The following ZNF343 variants were observed in gnomAD, a reference collection of about 807,000 sequenced individuals.
ZNF343 encodes zinc finger protein 343.
Under a neutral mutation model 13.8 loss-of-function variants are expected in ZNF343, and 11 were observed. The ratio of observed to expected loss-of-function variants is 0.80; its 90% CI spans 0.50 to 1.32. The LOEUF (loss-of-function observed/expected upper bound fraction) is 1.32. Ranked by LOEUF, ZNF343 falls within the 40% of genes most tolerant of loss-of-function variation. The probability of loss-of-function intolerance (pLI) is 0.00; values close to 1 mark genes in which losing one functional copy is unlikely to be tolerated. For synonymous variants in ZNF343, 248 were observed against 260.0 expected (o/e 0.95, Z 0.44); for missense variants, 658 against 714.2 (o/e 0.92, Z 0.90).
At chr20:2,492,630 G>A (rs1240110467) in intron 5 of ZNF343, 69 bp downstream of exon 5, 7 of 1,553,270 alleles carry the variant, frequency 4.5e-6, no homozygotes, top group Non-Finnish European at 3.5e-6. Flanking sequence ...ACATTTTTTT[G>A]TGGTACATAT....
At chr20:2,484,727 A>G in intron 5 of ZNF343, 71 bp from the exon 6 acceptor site, 1 of 1,420,232 alleles carries the variant, frequency 7.0e-7, no homozygotes, top group Non-Finnish European at 9.5e-7. Context: ...TTGTCTTAGG[A>G]CAGAGAATGT....
chr20:2,497,194 T>C (rs2085474802), intron 2 of ZNF343, among the ~76,000 whole-genome samples: 1 of 152,054 alleles, frequency 6.6e-6, no homozygotes, highest in South Asian at 2.1e-4. Flanking sequence ...TAAATACAGA[T>C]CCAAGTGGAG....
At chr20:2,495,757 C>T (rs566601594) in intron 2 of ZNF343, among the ~76,000 whole-genome samples, 5 of 151,496 alleles carry the variant, frequency 3.3e-5, no homozygotes, top group Admixed American at 6.6e-5. Context: ...CTTGGCTCAC[C>T]GCAACCTCTG....
intron 5 of ZNF343, among the ~76,000 whole-genome samples, chr20:2,488,727 G>A (rs1422398010): frequency 2.0e-5 from 3 of 152,088 alleles, no homozygotes; most frequent in Non-Finnish European, 2.9e-5. Context: ...AGGGATAAGT[G>A]ACAACCTGAT....
At chr20:2,504,534 T>C (rs1184262261) in intron 1 of ZNF343, among the ~76,000 whole-genome samples, 2 of 152,138 alleles carry the variant, frequency 1.3e-5, no homozygotes, top group African/African-American at 4.8e-5. Flanking sequence ...CTGATGAACA[T>C]CGATGCAAAA....
At chr20:2,493,394 TA>T in intron 4 of ZNF343, 124 bp downstream of exon 4, 1 of 873,744 alleles carries the variant, frequency 1.1e-6, no homozygotes, top group Non-Finnish European at 1.9e-6. Flanking sequence ...CAAGAAAGCC[TA>T]ATGCTTCACT....
At chr20:2,509,800 G>C (rs2085727070), upstream of ZNF343, among the ~76,000 whole-genome samples, 1 of 152,160 alleles carries the variant, frequency 6.6e-6, no homozygotes, top group African/African-American at 2.4e-5. Context: ...AATCTTAATG[G>C]CAAATACAAA....
chr20:2,489,320 G>A (rs553659268), intron 5 of ZNF343, among the ~76,000 whole-genome samples: 16 of 152,286 alleles, frequency 1.1e-4, no homozygotes, highest in Non-Finnish European at 2.2e-4. Flanking sequence ...TGACCTATCA[G>A]CCCTACGAAC....
intron 5 of ZNF343, 108 bp from the exon 6 acceptor site, chr20:2,484,764 T>A: frequency 2.0e-6 from 2 of 994,320 alleles, no homozygotes; most frequent in Non-Finnish European, 3.0e-6. Context: ...TAATTGATAA[T>A]ATAAGTATAA....
At chr20:2,520,992 A>T (rs1011613991) in intron 1 of ZNF343, among the ~76,000 whole-genome samples, 1 of 152,200 alleles carries the variant, frequency 6.6e-6, no homozygotes, top group Admixed American at 6.5e-5. Context: ...GTCTTTAATG[A>T]GTGGCATGGA....
At chr20:2,494,662 A>G (rs979770405) in intron 2 of ZNF343, among the ~76,000 whole-genome samples, 13 of 152,028 alleles carry the variant, frequency 8.6e-5, no homozygotes, top group African/African-American at 2.9e-4. Context: ...CCAGCTACTC[A>G]GCAGGCTGAG....
Position 2,492,570 on chromosome 20 carries a change from T to C in ZNF343, c.304+129A>G. 7 of 1,085,516 alleles carry C rather than the reference T, an allele frequency of 6.4e-6. No homozygotes were observed. The South Asian group carries it at 1.0e-4, about 16-fold the overall frequency. The allele number at this position is 1,085,516 out of a possible 1,614,324, so 67.2% of individuals were successfully genotyped here. A position where few individuals can be genotyped will look rare whatever the true frequency, so the allele number is the denominator to read the frequency against. ...TCCTTACACTAGAAAGTAAGCCCCA[T>C]GGAGGCAGGGATTACGATTTTGTTT... On this transcript the variant is annotated intron_variant, in intron 5 of 5. Transcript: ENST00000278772.
Position 2,499,904 on chromosome 20 carries a change from A to C in ZNF343, c.-150+752T>G, listed in dbSNP as rs182416996. 7.5e-3 allele frequency among the ~76,000 whole-genome samples: 1,139 copies of C among 152,332 alleles called. 13 individuals carry two copies. The highest frequency in any genetic ancestry group is 0.026 in the African/African-American group (1,082 of 41,568). ...GTACAGTTTGAACTAAGCAATAGCA[A>C]TTTTGTAGAAGAAATGGGCAGATTT... On this transcript the variant is annotated intron_variant, in intron 2 of 5. Coordinates refer to ENST00000278772, the MANE Select transcript of ZNF343 (RefSeq NM_024325.6).
intron 5 of ZNF343, among the ~76,000 whole-genome samples, chr20:2,486,353 T>C (rs1455521971): frequency 6.6e-6 from 1 of 152,258 alleles, no homozygotes; most frequent in African/African-American, 2.4e-5. Context: ...TGAGGCCATT[T>C]TGAGGAACTC....
chr20:2,498,179 A>G (rs2085492656), intron 2 of ZNF343, among the ~76,000 whole-genome samples: 1 of 152,288 alleles, frequency 6.6e-6, no homozygotes, highest in Non-Finnish European at 1.5e-5. Context: ...CAACACGGAG[A>G]AGCCCTGTCT....
intron 5 of ZNF343, among the ~76,000 whole-genome samples, chr20:2,489,131 T>C (rs1316044024): frequency 6.6e-6 from 1 of 152,200 alleles, no homozygotes; most frequent in Non-Finnish European, 1.5e-5. Context: ...AACGTAGTAA[T>C]GGTATTGTGG....
intron 2 of ZNF343, among the ~76,000 whole-genome samples, chr20:2,497,604 G>C (rs564497389): frequency 6.6e-6 from 1 of 152,310 alleles, no homozygotes; most frequent in East Asian, 1.9e-4. Flanking sequence ...ACAGTTTCTG[G>C]AGGGTGAGCT....
chr20:2,489,710 G>A (rs1203799021), intron 5 of ZNF343, among the ~76,000 whole-genome samples: 1 of 152,164 alleles, frequency 6.6e-6, no homozygotes, highest in Non-Finnish European at 1.5e-5. Flanking sequence ...AAAGTATTGG[G>A]GTTGTTTATC....
In ZNF343 at chr20:2,482,232, C is replaced by G. The variant is rs1017035995; in HGVS notation, c.*929G>C. Reference sequence around the variant, plus strand: ...CATTCTCCCCACACATGCAGAATTTCTATTCAATATACTCTGGGGCTTACT... The same window carrying G: ...CATTCTCCCCACACATGCAGAATTTGTATTCAATATACTCTGGGGCTTACT... On this transcript the variant is annotated 3_prime_UTR_variant, in exon 6 of 6. Coordinates refer to ENST00000278772, the MANE Select transcript of ZNF343 (RefSeq NM_024325.6). 1.3e-5 allele frequency: 2 copies of G among 152,246 alleles called. No individual in the cohort carries two copies. The highest frequency in any genetic ancestry group is 3.8e-4 in the East Asian group (2 of 5,196). The allele number at this position is 152,246 out of a possible 1,614,324, so 9.4% of individuals were successfully genotyped here. A position where few individuals can be genotyped will look rare whatever the true frequency, so the allele number is the denominator to read the frequency against.
Sources: allele counts gnomAD v4.1 joint callset (sites outside exome capture counted in the v4.1 genomes callset), GRCh38; gene constraint gnomAD v4.1.1; transcripts MANE v1.5; gene names NCBI Gene and HGNC (gene_info 2026-07-23, HGNC 2026-07-21).